Variants in RBMS3 observed in about 807,000 individuals in gnomAD.
RBMS3 encodes the protein RNA binding motif single stranded interacting protein 3.
RBMS3 carries 27 observed loss-of-function variants against 66.8 expected under a neutral mutation model. That is an observed-to-expected ratio of 0.40 (90% CI 0.30 to 0.56). RBMS3 has a LOEUF of 0.56. Among genes scored for constraint, RBMS3 ranks in the 20% least tolerant of loss-of-function variants. The pLI is 0.40. For missense variants in RBMS3, 513 were observed against 549.5 expected (o/e 0.93, Z 0.66); for synonymous variants, 188 against 183.0 (o/e 1.03, Z -0.22).
chr3:29,972,472 TC>T (rs763950329), intron 12 of RBMS3, among the ~76,000 whole-genome samples: 32 of 152,084 alleles, frequency 2.1e-4, no homozygotes, highest in Non-Finnish European at 3.1e-4. Flanking sequence ...TTTCTCCCTG[TC>T]TTCATTTGCT....
chr3:29,399,160 T>C (rs1298819018), intron 1 of RBMS3, among the ~76,000 whole-genome samples: 1 of 152,176 alleles, frequency 6.6e-6, no homozygotes, highest in Non-Finnish European at 1.5e-5. Flanking sequence ...CAGGGCATAA[T>C]GACTTCAAAC....
intron 3 of RBMS3, among the ~76,000 whole-genome samples, chr3:29,525,080 A>G (rs1409232118): frequency 6.6e-6 from 1 of 152,114 alleles, no homozygotes; most frequent in African/African-American, 2.4e-5. Context: ...AGACCTCTTC[A>G]GGCCACAGAG....
chr3:29,397,135 G>A (rs576384870), intron 1 of RBMS3, among the ~76,000 whole-genome samples: 1 of 152,230 alleles, frequency 6.6e-6, no homozygotes, highest in East Asian at 1.9e-4. Flanking sequence ...AGGGAGAACT[G>A]CAGATAGAGT....
intron 1 of RBMS3, among the ~76,000 whole-genome samples, chr3:29,401,374 G>T (rs1420344188): frequency 2.0e-5 from 3 of 151,964 alleles, no homozygotes; most frequent in Non-Finnish European, 4.4e-5. Flanking sequence ...AAAAAAACTT[G>T]AAATCTAACT....
At chr3:29,402,221 T>C (rs1297997456) in intron 1 of RBMS3, among the ~76,000 whole-genome samples, 1 of 152,070 alleles carries the variant, frequency 6.6e-6, no homozygotes, top group Non-Finnish European at 1.5e-5. Context: ...GAGGCTCCTA[T>C]GTAGGAAACA....
chr3:29,388,019 G>C (rs2039088509), intron 1 of RBMS3, among the ~76,000 whole-genome samples: 1 of 151,502 alleles, frequency 6.6e-6, no homozygotes, highest in South Asian at 2.1e-4. Context: ...TATTTATTCA[G>C]GTCTCTGATG....
At chr3:29,903,138 A>G (rs1025940129) in intron 10 of RBMS3, 9 of 151,926 alleles carry the variant, frequency 5.9e-5, no homozygotes, top group Non-Finnish European at 1.0e-4. Context: ...TAGAAAAAAA[A>G]TACTCTGGGA....
chr3:29,624,747 T>C (rs2048997349), intron 4 of RBMS3, among the ~76,000 whole-genome samples: 1 of 152,184 alleles, frequency 6.6e-6, no homozygotes, highest in East Asian at 1.9e-4. Flanking sequence ...AACATATTCT[T>C]TGTTTCCCAA....
chr3:29,738,114 T>G (rs1250446630), intron 4 of RBMS3, among the ~76,000 whole-genome samples: 1 of 152,196 alleles, frequency 6.6e-6, no homozygotes, highest in Non-Finnish European at 1.5e-5. Context: ...GAATATTTAG[T>G]TGTTAAAAAT....
chr3:29,483,057 A>T (rs572108958), intron 2 of RBMS3, among the ~76,000 whole-genome samples: 1 of 152,058 alleles, frequency 6.6e-6, no homozygotes, highest in African/African-American at 2.4e-5. Flanking sequence ...TTGAAGTTTT[A>T]AAAGTAGTTC....
intron 3 of RBMS3, among the ~76,000 whole-genome samples, chr3:29,570,769 C>G (rs538798158): frequency 6.6e-6 from 1 of 152,218 alleles, no homozygotes; most frequent in Non-Finnish European, 1.5e-5. Flanking sequence ...CTGTTGCAAA[C>G]AGTGCTGTAA....
chr3:29,461,813 G>A (rs1575884447), intron 2 of RBMS3, among the ~76,000 whole-genome samples: 1 of 151,712 alleles, frequency 6.6e-6, no homozygotes, highest in African/African-American at 2.4e-5. Context: ...GACTGCAGTG[G>A]TGCGATCTCG....
intron 4 of RBMS3, among the ~76,000 whole-genome samples, chr3:29,737,695 T>A (rs570473362): frequency 6.6e-6 from 1 of 152,148 alleles, no homozygotes; most frequent in Non-Finnish European, 1.5e-5. Flanking sequence ...CCTTTTTTTT[T>A]ATTTACCACT....
chr3:29,488,560 C>T, intron 3 of RBMS3, 61 bp downstream of exon 3: 1 of 1,466,156 alleles, frequency 6.8e-7, no homozygotes, highest in South Asian at 1.2e-5. Flanking sequence ...AATGGTTCTT[C>T]CATTGTGGAG....
chr3:29,918,857 T>C (rs1375374266), intron 10 of RBMS3, among the ~76,000 whole-genome samples: 2 of 152,060 alleles, frequency 1.3e-5, no homozygotes, highest in Non-Finnish European at 2.9e-5. Flanking sequence ...ATATTAAGTC[T>C]AAAAGATCAA....
intron 13 of RBMS3, among the ~76,000 whole-genome samples, chr3:29,989,603 G>C (rs986528769): frequency 6.6e-6 from 1 of 152,178 alleles, no homozygotes; most frequent in Non-Finnish European, 1.5e-5. Context: ...CCTGGTTTTG[G>C]TGTGTGACAA....
At chr3:29,596,259 T>C (rs1048671206) in intron 4 of RBMS3, among the ~76,000 whole-genome samples, 6 of 152,180 alleles carry the variant, frequency 3.9e-5, no homozygotes, top group Non-Finnish European at 5.9e-5. Context: ...AATTATATAA[T>C]ATATGAATTA....
At chr3:29,510,244 A>G (rs936993440) in intron 3 of RBMS3, among the ~76,000 whole-genome samples, 2 of 152,198 alleles carry the variant, frequency 1.3e-5, no homozygotes, top group Admixed American at 6.5e-5. Flanking sequence ...TCATAGATCA[A>G]CCCATAGTGA....
chr3:29,658,030 C>T (rs1209659770), intron 4 of RBMS3, among the ~76,000 whole-genome samples: 3 of 152,158 alleles, frequency 2.0e-5, no homozygotes. Context: ...TTTAAGAGTT[C>T]TATAAATGGA....
Sources: allele counts gnomAD v4.1 joint callset (sites outside exome capture counted in the v4.1 genomes callset), GRCh38; gene constraint gnomAD v4.1.1; transcripts MANE v1.5; gene names NCBI Gene and HGNC (gene_info 2026-07-23, HGNC 2026-07-21).